The following EXTL3 variants were observed in gnomAD, a reference collection of about 807,000 sequenced individuals.
The protein encoded by EXTL3 is exostosin-like 3.
In EXTL3, 27 loss-of-function variants were observed where a neutral mutation model predicts 69.3. That is an observed-to-expected ratio of 0.39 (90% CI 0.29 to 0.54). EXTL3 has a LOEUF of 0.54. Among genes scored for constraint, EXTL3 ranks in the 20% least tolerant of loss-of-function variants. The pLI is 0.69. For synonymous variants in EXTL3, 511 were observed against 499.4 expected, an observed-to-expected ratio of 1.02 and a Z score of -0.31; for missense variants, 1,003 against 1,231.8, an observed-to-expected ratio of 0.81 and a Z score of 2.78.
rs1801809211 is a variant in EXTL3, at chr8:28,742,876, G to A, written c.2422-210G>A. On this transcript the variant is annotated intron_variant, in intron 5 of 6. Coordinates refer to ENST00000220562, the MANE Select transcript of EXTL3 (RefSeq NM_001440.4). ...ATGACATTCTGTTACTAAAGGGGGT[G>A]ATGATGGCAGTTTGAATGGGATAAT... The A allele has an allele frequency of 1.8e-5, 11 of 598,690 alleles. No homozygotes were observed. The Admixed American group carries it at 2.6e-4, about 14-fold the overall frequency. 37.1% of individuals were successfully genotyped at this position (598,690 alleles called of 1,614,324 possible).
intron 1 of EXTL3, among the ~76,000 whole-genome samples, chr8:28,688,220 C>A (rs1332696734): frequency 2.6e-5 from 4 of 152,148 alleles, no homozygotes; most frequent in Non-Finnish European, 5.9e-5. Flanking sequence ...TGCCACCACA[C>A]CTGGCTAATT....
chr8:28,665,063 C>CTTT (rs1222832851), intron 1 of EXTL3, among the ~76,000 whole-genome samples: 12 of 62,398 alleles, frequency 1.9e-4, no homozygotes, highest in Non-Finnish European at 2.5e-4. Context: ...TTTTCCTTTA[C>CTTT]TTTTTTTTTT....
At chr8:28,714,676 T>C (rs1205851033) in intron 2 of EXTL3, among the ~76,000 whole-genome samples, 1 of 152,214 alleles carries the variant, frequency 6.6e-6, no homozygotes, top group African/African-American at 2.4e-5. Context: ...TGTTTCTAGC[T>C]GTGTTGAATT....
At chr8:28,660,194 C>T (rs1807083948) in intron 1 of EXTL3, among the ~76,000 whole-genome samples, 1 of 152,114 alleles carries the variant, frequency 6.6e-6, no homozygotes, top group Non-Finnish European at 1.5e-5. Flanking sequence ...AAGACCTCAT[C>T]ACTACAGAAA....
At chr8:28,724,741 A>T (rs1172671031) in intron 3 of EXTL3, among the ~76,000 whole-genome samples, 2 of 152,196 alleles carry the variant, frequency 1.3e-5, no homozygotes, top group African/African-American at 4.8e-5. Flanking sequence ...CAGAGGTTGC[A>T]GTGAGCCGAG....
intron 6 of EXTL3, among the ~76,000 whole-genome samples, chr8:28,746,547 T>C (rs539186248): frequency 6.6e-6 from 1 of 152,250 alleles, no homozygotes; most frequent in South Asian, 2.1e-4. Context: ...TCCACGATAT[T>C]GGTTAAATAA....
At chr8:28,660,382 G>C (rs1343517980) in intron 1 of EXTL3, among the ~76,000 whole-genome samples, 1 of 150,888 alleles carries the variant, frequency 6.6e-6, no homozygotes, top group Non-Finnish European at 1.5e-5. Context: ...AAAAAAAAAA[G>C]TTGTTAGGTA....
At chr8:28,701,833 G>C (rs1800806493) in intron 1 of EXTL3, among the ~76,000 whole-genome samples, 174 bp downstream of exon 1, 1 of 152,012 alleles carries the variant, frequency 6.6e-6, no homozygotes, top group African/African-American at 2.4e-5. Context: ...GCCTCCGAGC[G>C]GAGTAGGCCT....
intron 3 of EXTL3, among the ~76,000 whole-genome samples, chr8:28,727,984 C>T (rs1384141198): frequency 6.6e-6 from 1 of 152,124 alleles, no homozygotes; most frequent in Non-Finnish European, 1.5e-5. Flanking sequence ...AATCTACAAG[C>T]CAATATTCAA....
At chr8:28,641,476 T>C (rs1259845162) in intron 1 of EXTL3, among the ~76,000 whole-genome samples, 4 of 152,150 alleles carry the variant, frequency 2.6e-5, no homozygotes, top group Non-Finnish European at 5.9e-5. Context: ...TGGGGAAAAG[T>C]ATTTAATTTA....
chr8:28,678,898 T>C (rs1807433355), intron 1 of EXTL3, among the ~76,000 whole-genome samples: 1 of 152,128 alleles, frequency 6.6e-6, no homozygotes, highest in African/African-American at 2.4e-5. Flanking sequence ...CTGCACTGTG[T>C]GTAGTGGAAG....
At chr8:28,618,889 C>A (rs1029693899), upstream of EXTL3, among the ~76,000 whole-genome samples, 1 of 151,488 alleles carries the variant, frequency 6.6e-6, no homozygotes, top group Non-Finnish European at 1.5e-5. Context: ...TCAAGACCAT[C>A]CTGGCTAACA....
chr8:28,731,387 A>C (rs2071340), intron 4 of EXTL3, 37 bp downstream of exon 4: 1 of 1,612,862 alleles, frequency 6.2e-7, no homozygotes, highest in Admixed American at 1.7e-5. Flanking sequence ...TTTAGGTTGC[A>C]AGTGACAGAA....
intron 4 of EXTL3, among the ~76,000 whole-genome samples, chr8:28,733,282 C>T (rs1387584553): frequency 1.3e-5 from 2 of 152,022 alleles, no homozygotes; most frequent in Non-Finnish European, 2.9e-5. Flanking sequence ...AAGGTTCTAG[C>T]TTCTCCACAT....
At chr8:28,658,212 TC>T (rs1275070708) in intron 1 of EXTL3, among the ~76,000 whole-genome samples, 1 of 147,864 alleles carries the variant, frequency 6.8e-6, no homozygotes, top group Non-Finnish European at 1.5e-5. Flanking sequence ...GTGGGGGGGG[TC>T]CCTCAGAAAC....
intron 1 of EXTL3, among the ~76,000 whole-genome samples, chr8:28,659,915 C>T (rs1014052714): frequency 6.6e-6 from 1 of 152,198 alleles, no homozygotes; most frequent in African/African-American, 2.4e-5. Context: ...GGTTTTCACA[C>T]TCTTTGGCTT....
At chr8:28,630,039 C>T (rs1272634593) in intron 1 of EXTL3, among the ~76,000 whole-genome samples, 1 of 152,116 alleles carries the variant, frequency 6.6e-6, no homozygotes, top group Non-Finnish European at 1.5e-5. Context: ...GATAGAGCCT[C>T]TTTTTCTTTT....
rs773651622 is a variant in EXTL3, at chr8:28,647,107, C to CT, written c.-53+24311dup. On this transcript the variant is annotated intron_variant, in intron 1 of 6. Coordinates refer to the EXTL3 transcript ENST00000523149. ...AATAAGCATTCCTATTAATTTAGTTCTTTTTTTTTTTTTTGAGACGGAGTT... is the reference window on the plus strand; with the variant it reads ...AATAAGCATTCCTATTAATTTAGTTCTTTTTTTTTTTTTTTGAGACGGAGTT... 4.8e-3 allele frequency among the ~76,000 whole-genome samples: 684 copies of CT among 143,504 alleles called. 4 individuals are homozygous for CT. Among genetic ancestry groups the CT allele is most frequent in the Middle Eastern group, 0.011 (3 of 280 alleles). 94.1% of individuals were successfully genotyped at this position (143,504 alleles called of 152,430 possible).
Position 28,691,572 on chromosome 8 carries a change from A to ATTTTTTTTTTTTTTTT in EXTL3, c.-52-21873_-52-21872insTTTTTTTTTTTTTTTT, listed in dbSNP as rs71222571. 4.9e-4 allele frequency among the ~76,000 whole-genome samples: 67 copies of ATTTTTTTTTTTTTTTT among 135,466 alleles called. 6 individuals are homozygous for ATTTTTTTTTTTTTTTT. Among genetic ancestry groups the ATTTTTTTTTTTTTTTT allele is most frequent in the African/African-American group, 2.1e-3 (65 of 31,000 alleles). The allele number at this position is 135,466 out of a possible 152,430, so 88.9% of individuals were successfully genotyped here. ...TGGTAAATATTTATCAGTTTTTGTG[A>ATTTTTTTTTTTTTTTT]TTTTTTTTTTTTGCTATTGTGTTCC... On this transcript the variant is annotated intron_variant, in intron 1 of 6. Transcript: ENST00000523149.
Sources: allele counts gnomAD v4.1 joint callset (sites outside exome capture counted in the v4.1 genomes callset), GRCh38; gene constraint gnomAD v4.1.1; transcripts MANE v1.5; gene names NCBI Gene and HGNC (gene_info 2026-07-23, HGNC 2026-07-21).